The following GPR143 variants were observed in gnomAD, a reference collection of about 807,000 sequenced individuals.
GPR143 encodes G-protein coupled receptor 143.
In GPR143, 8 loss-of-function variants were observed where a neutral mutation model predicts 27.6. The ratio of observed to expected loss-of-function variants is 0.29; its 90% CI spans 0.17 to 0.52. GPR143 has a LOEUF of 0.52. GPR143 is among the 20% of genes least tolerant of loss of function. The pLI is 0.96. For synonymous variants in GPR143, 156 were observed against 153.2 expected, an observed-to-expected ratio of 1.02 and a Z score of -0.13; for missense variants, 303 against 343.1, an observed-to-expected ratio of 0.88 and a Z score of 0.92.
intron 3 of GPR143, among the ~76,000 whole-genome samples, chrX:9,755,184 G>A (rs868081675): frequency 2.7e-5 from 3 of 111,839 alleles, no homozygotes; most frequent in Middle Eastern, 4.6e-3. Context: ...TTGGGATGCC[G>A]AGGCGGGTGG....
chrX:9,776,749 C>T (rs1036451168), intron 1 of GPR143, among the ~76,000 whole-genome samples: 1 of 110,178 alleles, frequency 9.1e-6, no homozygotes, highest in Admixed American at 9.8e-5. Flanking sequence ...CTCTATTACC[C>T]AGGCTGGAGT....
At chrX:9,771,546 G>A (rs969105434) in intron 1 of GPR143, among the ~76,000 whole-genome samples, 1 of 110,706 alleles carries the variant, frequency 9.0e-6, no homozygotes, top group African/African-American at 3.3e-5. Flanking sequence ...CATGGCTGCT[G>A]CTGACCTATG....
upstream of GPR143, among the ~76,000 whole-genome samples, chrX:9,770,321 AAAAGAGAGAGAGAG>A (rs1489424166): frequency 4.5e-5 from 4 of 88,168 alleles, no homozygotes; most frequent in African/African-American, 1.9e-4. Flanking sequence ...GAAAGAAAGA[AAAAGAGAGAGAGAG>A]AGAGAGAGAG....
At chrX:9,726,105 T>TTGA (rs2083325853) in intron 8 of GPR143, 1 of 407,457 alleles carries the variant, frequency 2.5e-6, no homozygotes, top group Admixed American at 9.3e-5. Flanking sequence ...GGCCAGTTGA[T>TTGA]TGATAGGTGA....
At chrX:9,754,583 C>T (rs1173863193) in intron 3 of GPR143, among the ~76,000 whole-genome samples, 2 of 111,589 alleles carry the variant, frequency 1.8e-5, no homozygotes, top group Non-Finnish European at 3.8e-5. Flanking sequence ...AAGCCTGCGC[C>T]CCCCACTGGC....
At chrX:9,765,547 G>T in intron 1 of GPR143, 21 bp downstream of exon 1, 1 of 1,083,336 alleles carries the variant, frequency 9.2e-7, no homozygotes, top group South Asian at 2.3e-5. Context: ...ATTCCAACCC[G>T]CGGGCCGCGC....
chrX:9,751,264 C>T (rs183478008), intron 3 of GPR143, among the ~76,000 whole-genome samples: 1 of 112,504 alleles, frequency 8.9e-6, no homozygotes, highest in African/African-American at 3.2e-5. Flanking sequence ...CACTTTCCTA[C>T]AAGGCTGGGC....
At chrX:9,743,395 C>T (rs781468953) in intron 6 of GPR143, among the ~76,000 whole-genome samples, 170 bp downstream of exon 6, 1 of 110,055 alleles carries the variant, frequency 9.1e-6, no homozygotes, top group Admixed American at 9.8e-5. Context: ...TTTGGACTTG[C>T]TCCCCTGTCC....
chrX:9,732,620 T>C (rs2146678962), intron 8 of GPR143, among the ~76,000 whole-genome samples: 1 of 110,860 alleles, frequency 9.0e-6, no homozygotes, highest in African/African-American at 3.3e-5. Context: ...CCCAGCACTT[T>C]GGGAAGCCGA....
chrX:9,763,986 T>A (rs2146703800), intron 1 of GPR143, among the ~76,000 whole-genome samples: 1 of 112,723 alleles, frequency 8.9e-6, no homozygotes, highest in East Asian at 2.8e-4. Flanking sequence ...TGCCAGGAAA[T>A]ATTTTTTAAT....
chrX:9,745,415 C>T (rs2083424280), intron 5 of GPR143, among the ~76,000 whole-genome samples: 1 of 111,976 alleles, frequency 8.9e-6, no homozygotes. Flanking sequence ...TTCCTTATTC[C>T]CATTCTCCCC....
upstream of GPR143, among the ~76,000 whole-genome samples, chrX:9,769,589 A>G (rs1010637672): frequency 5.4e-5 from 6 of 111,422 alleles, no homozygotes; most frequent in African/African-American, 1.6e-4. Flanking sequence ...AGATTTGTTT[A>G]TTTATTTATT....
At chrX:9,768,331 A>T (rs764019242), upstream of GPR143, among the ~76,000 whole-genome samples, 1 of 111,592 alleles carries the variant, frequency 9.0e-6, no homozygotes, top group Non-Finnish European at 1.9e-5. Flanking sequence ...GTTTGAGACC[A>T]TCCTGGGCAA....
At chrX:9,761,935 T>A (rs1364723141) in intron 1 of GPR143, among the ~76,000 whole-genome samples, 2 of 111,154 alleles carry the variant, frequency 1.8e-5, no homozygotes, top group Non-Finnish European at 3.8e-5. Context: ...AAAAATACAA[T>A]AATTAGCTGG....
chrX:9,771,996 C>T (rs189902079), intron 1 of GPR143, among the ~76,000 whole-genome samples: 2 of 111,086 alleles, frequency 1.8e-5, no homozygotes, highest in Non-Finnish European at 3.8e-5. Flanking sequence ...CAGGCATGAG[C>T]CACCGCGCCC....
chrX:9,731,531 A>G (rs1419258400), intron 8 of GPR143, among the ~76,000 whole-genome samples: 1 of 111,385 alleles, frequency 9.0e-6, no homozygotes, highest in African/African-American at 3.3e-5. Context: ...AAATGGTGGA[A>G]AACTGGGACT....
chrX:9,764,504 GCACACACACACACACA>G (rs201690882), intron 1 of GPR143, among the ~76,000 whole-genome samples: 14,524 of 98,942 alleles, frequency 0.15, 885 homozygotes, highest in Middle Eastern at 0.23. Context: ...TTACACACGC[GCACACACACACACACA>G]CACACACACA....
At position 9,765,423 on chromosome X, in the gene GPR143, C is replaced by G. The variant is rs1282655952; in HGVS notation, c.250+145G>C. 1.7e-4 allele frequency: 100 copies of G among 596,475 alleles called. No homozygotes were observed. The African/African-American group carries it at 2.2e-3, about 13-fold the overall frequency. The allele number at this position is 596,475 out of a possible 1,213,427, so 49.2% of individuals were successfully genotyped here. The stretch of plus-strand genomic sequence containing the variant: ...CGGGCAGGTTCCAACCCGCGGGCCT[C>G]TCGTCCTCACTCCATCACGGAACAG... On this transcript the variant is annotated intron_variant, in intron 1 of 8. Transcript: ENST00000467482.
intron 8 of GPR143, among the ~76,000 whole-genome samples, chrX:9,734,683 C>T (rs754941293): frequency 1.8e-5 from 2 of 112,141 alleles, no homozygotes; most frequent in African/African-American, 6.5e-5. Context: ...CAGGAAAGAT[C>T]TATACTCCTG....
Sources: gnomAD v4.1 joint callset for allele counts (sites outside exome capture counted in the v4.1 genomes callset) on GRCh38, gnomAD v4.1.1 for gene constraint, MANE v1.5 for transcripts, NCBI Gene and HGNC (gene_info 2026-07-23, HGNC 2026-07-21) for gene names.